The following SORCS1 variants were observed in gnomAD, a reference collection of about 807,000 sequenced individuals.
SORCS1 encodes sortilin related VPS10 domain containing receptor 1.
In SORCS1, 60 loss-of-function variants were observed where a neutral mutation model predicts 146.1. The ratio of observed to expected loss-of-function variants is 0.41; its 90% confidence interval spans 0.33 to 0.51. SORCS1 has a LOEUF of 0.51. Ranked by LOEUF, SORCS1 falls within the 20% of genes least tolerant of loss-of-function variation. The pLI is 0.21. For missense variants in SORCS1, 1,352 were observed against 1,487.6 expected (o/e 0.91, Z 1.50); for synonymous variants, 637 against 584.0 (o/e 1.09, Z -1.31).
At chr10:106,758,355 C>G (rs1470724732) in intron 5 of SORCS1, among the ~76,000 whole-genome samples, 1 of 152,140 alleles carries the variant, frequency 6.6e-6, no homozygotes, top group South Asian at 2.1e-4. Flanking sequence ...TTTCTCTTGC[C>G]CATCCTTTCA....
intron 2 of SORCS1, among the ~76,000 whole-genome samples, chr10:106,895,478 G>A (rs991231852): frequency 6.6e-6 from 1 of 152,120 alleles, no homozygotes; most frequent in African/African-American, 2.4e-5. Context: ...GGGCATGGTG[G>A]CGTGCACCTG....
chr10:106,983,204 CTATA>C (rs985735614), intron 1 of SORCS1, among the ~76,000 whole-genome samples: 16 of 145,326 alleles, frequency 1.1e-4, no homozygotes, highest in South Asian at 4.3e-4. Flanking sequence ...ATACATATTT[CTATA>C]TATAAATATA....
rs1475334980 is a variant in SORCS1, at chr10:106,750,928, C to T, written c.959+10660G>A. 9.2e-5 allele frequency among the ~76,000 whole-genome samples: 13 copies of T among 141,800 alleles called. 1 individual carries two copies. Among genetic ancestry groups the T allele is most frequent in the Admixed American group, 2.9e-4 (4 of 13,946 alleles). 93.0% of individuals were successfully genotyped at this position (141,800 alleles called of 152,430 possible). On this transcript the variant is annotated intron_variant, in intron 5 of 25. Transcript: ENST00000263054. ...TAAAAAAATCAGCTGGGCGTGGTGG[C>T]GGGCGCCGTAGTCCCAGCTACTAGG...
At chr10:106,811,763 T>G (rs541921708) in intron 3 of SORCS1, among the ~76,000 whole-genome samples, 6 of 152,228 alleles carry the variant, frequency 3.9e-5, no homozygotes, top group Non-Finnish European at 8.8e-5. Context: ...GAGCAGTTGC[T>G]ATTAACTCCC....
intron 5 of SORCS1, among the ~76,000 whole-genome samples, chr10:106,750,994 G>A (rs12247920): frequency 0.21 from 28,937 of 137,794 alleles, 3,527 homozygotes; most frequent in East Asian, 0.48. Context: ...GTGAGGCAGA[G>A]GTTGCAGTGA....
intron 5 of SORCS1, among the ~76,000 whole-genome samples, chr10:106,744,013 T>TA (rs1257463207): frequency 6.6e-6 from 1 of 152,206 alleles, no homozygotes; most frequent in Non-Finnish European, 1.5e-5. Context: ...TAGAACACAC[T>TA]GTTTTGCCAG....
intron 1 of SORCS1, among the ~76,000 whole-genome samples, chr10:106,966,856 T>C (rs1183353697): frequency 6.6e-6 from 1 of 152,122 alleles, no homozygotes. Flanking sequence ...TTTTCTCCCT[T>C]TGCTGAAAGC....
chr10:106,765,850 T>G (rs765162395), intron 4 of SORCS1, among the ~76,000 whole-genome samples: 1 of 152,084 alleles, frequency 6.6e-6, no homozygotes, highest in Non-Finnish European at 1.5e-5. Flanking sequence ...CTTTTCAATA[T>G]TCCTAAATCG....
At chr10:106,823,596 C>T (rs1261826060) in intron 3 of SORCS1, among the ~76,000 whole-genome samples, 3 of 152,178 alleles carry the variant, frequency 2.0e-5, no homozygotes, top group Non-Finnish European at 4.4e-5. Flanking sequence ...GAATACATAA[C>T]TGATTAAGGC....
chr10:106,894,276 T>TGTGC (rs960621856), intron 2 of SORCS1, among the ~76,000 whole-genome samples: 1 of 67,314 alleles, frequency 1.5e-5, no homozygotes, highest in Non-Finnish European at 3.4e-5. Flanking sequence ...TGTGCGTGTG[T>TGTGC]GTGTGTGTGT....
chr10:107,074,842 A>C (rs2134202464), intron 1 of SORCS1, among the ~76,000 whole-genome samples: 1 of 152,118 alleles, frequency 6.6e-6, no homozygotes, highest in Middle Eastern at 3.4e-3. Flanking sequence ...CATCTGTATA[A>C]CTTCTTTGGT....
At chr10:107,082,508 C>T (rs897456068) in intron 1 of SORCS1, among the ~76,000 whole-genome samples, 5 of 151,730 alleles carry the variant, frequency 3.3e-5, no homozygotes, top group Admixed American at 2.0e-4. Flanking sequence ...GACAGAGTCA[C>T]GCTCTGTCGC....
At chr10:107,022,922 C>T (rs1004754426) in intron 1 of SORCS1, among the ~76,000 whole-genome samples, 1 of 152,188 alleles carries the variant, frequency 6.6e-6, no homozygotes, top group African/African-American at 2.4e-5. Flanking sequence ...GCACAACACA[C>T]TTGAGGCACT....
chr10:107,153,474 T>C (rs570219437), intron 1 of SORCS1, among the ~76,000 whole-genome samples: 10 of 152,322 alleles, frequency 6.6e-5, no homozygotes, highest in African/African-American at 2.4e-4. Context: ...TGGAGGTCAC[T>C]GGAATTTCTG....
intron 1 of SORCS1, among the ~76,000 whole-genome samples, chr10:107,016,259 T>C (rs74557502): frequency 6.6e-6 from 1 of 152,328 alleles, no homozygotes; most frequent in African/African-American, 2.4e-5. Context: ...GATGGCTTTT[T>C]CTATAATGGC....
chr10:106,867,145 C>T (rs1358011757), intron 2 of SORCS1, among the ~76,000 whole-genome samples: 3 of 152,032 alleles, frequency 2.0e-5, no homozygotes, highest in Non-Finnish European at 2.9e-5. Context: ...ATCAGATTTT[C>T]CAAGGTCAAA....
chr10:106,936,480 C>A (rs922296871), intron 2 of SORCS1, among the ~76,000 whole-genome samples: 1 of 152,180 alleles, frequency 6.6e-6, no homozygotes, highest in African/African-American at 2.4e-5. Context: ...TGGCATCAAG[C>A]AGAGAAGAAT....
chr10:106,609,050 G>A (rs1363598269), intron 22 of SORCS1, among the ~76,000 whole-genome samples: 2 of 152,194 alleles, frequency 1.3e-5, no homozygotes, highest in East Asian at 1.9e-4. Flanking sequence ...TCTGGGTGGT[G>A]CATCTCAATT....
At position 106,671,691 on chromosome 10, in the gene SORCS1, A is replaced by G. The variant is rs61176563; in HGVS notation, c.2059-324T>C. Among the ~76,000 whole-genome samples, 10 of 152,302 alleles carry G rather than the reference A, an allele frequency of 6.6e-5. No homozygotes were observed. The South Asian group carries it at 1.7e-3, about 25-fold the overall frequency. The stretch of plus-strand genomic sequence containing the variant: ...GCCTGTACCTAGTGTATTGCCAGTA[A>G]ATCTGCAGTAATTAAGTTCAATTCC... On this transcript the variant is annotated intron_variant, in intron 15 of 25. Coordinates refer to ENST00000263054, the MANE Select transcript of SORCS1 (RefSeq NM_052918.5).
Sources: allele counts gnomAD v4.1 joint callset (sites outside exome capture counted in the v4.1 genomes callset), GRCh38; gene constraint gnomAD v4.1.1; transcripts MANE v1.5; gene names NCBI Gene and HGNC (gene_info 2026-07-23, HGNC 2026-07-21).